IL1RAPL2: variants seen among roughly 807,000 people sequenced by gnomAD.
The protein encoded by IL1RAPL2 is X-linked interleukin-1 receptor accessory protein-like 2.
A neutral mutation model predicts 44.1 loss-of-function variants in IL1RAPL2; 3 were observed. The ratio of observed to expected loss-of-function variants is 0.07; its 90% confidence interval spans 0.03 to 0.18. The LOEUF (loss-of-function observed/expected upper bound fraction) is 0.18, where lower values mean the gene tolerates loss of function less well. Ranked by LOEUF, IL1RAPL2 falls within the 10% of genes least tolerant of loss-of-function variation. The probability of loss-of-function intolerance (pLI) is 1.00; values close to 1 mark genes in which losing one functional copy is unlikely to be tolerated. For synonymous variants in IL1RAPL2, 181 were observed against 178.8 expected (o/e 1.01, Z -0.10); for missense variants, 391 against 496.4 (o/e 0.79, Z 2.02).
At chrX:105,449,939 C>G (rs1475552221) in intron 5 of IL1RAPL2, among the ~76,000 whole-genome samples, 2 of 111,789 alleles carry the variant, frequency 1.8e-5, no homozygotes, top group Non-Finnish European at 3.8e-5. Flanking sequence ...CTGAAGCCAG[C>G]AGAGCACTGG....
intron 2 of IL1RAPL2, among the ~76,000 whole-genome samples, chrX:104,813,446 GT>G (rs1458215651): frequency 9.0e-6 from 1 of 111,273 alleles, no homozygotes; most frequent in African/African-American, 3.3e-5. Flanking sequence ...TTGAAAGCAA[GT>G]TTATGAATAT....
At chrX:104,615,265 A>T (rs1455342977) in intron 1 of IL1RAPL2, among the ~76,000 whole-genome samples, 1 of 111,585 alleles carries the variant, frequency 9.0e-6, no homozygotes, top group Non-Finnish European at 1.9e-5. Flanking sequence ...CAGGATGTGT[A>T]GGTTTGTTAC....
chrX:104,709,337 A>G (rs1182323279), intron 2 of IL1RAPL2, among the ~76,000 whole-genome samples: 1 of 111,405 alleles, frequency 9.0e-6, no homozygotes, highest in Admixed American at 9.6e-5. Flanking sequence ...AGGCTTCAAA[A>G]GTAATTTCTA....
chrX:104,964,304 A>G (rs2030072307), intron 2 of IL1RAPL2, among the ~76,000 whole-genome samples: 1 of 106,144 alleles, frequency 9.4e-6, no homozygotes, highest in Non-Finnish European at 1.9e-5. Context: ...TTATTTATTT[A>G]TTTATTTATT....
intron 2 of IL1RAPL2, among the ~76,000 whole-genome samples, chrX:104,995,912 G>A (rs1438772854): frequency 3.6e-5 from 4 of 111,813 alleles, no homozygotes; most frequent in Non-Finnish European, 7.5e-5. Context: ...TTTAAATAGA[G>A]TCATACCTAC....
chrX:104,888,834 G>A (rs1923335426), intron 2 of IL1RAPL2, among the ~76,000 whole-genome samples: 1 of 111,707 alleles, frequency 9.0e-6, no homozygotes, highest in South Asian at 3.8e-4. Flanking sequence ...ATTTCTGATA[G>A]GACCAAGAAT....
intron 5 of IL1RAPL2, among the ~76,000 whole-genome samples, chrX:105,297,446 G>C (rs991596858): frequency 3.6e-5 from 4 of 111,545 alleles, no homozygotes; most frequent in African/African-American, 6.5e-5. Context: ...ATAATGAAAA[G>C]AGGTTTAATT....
chrX:105,538,696 C>T (rs1392483677), intron 6 of IL1RAPL2, among the ~76,000 whole-genome samples: 1 of 111,393 alleles, frequency 9.0e-6, no homozygotes, highest in African/African-American at 3.3e-5. Flanking sequence ...CCAGAGTAAT[C>T]AGGCAAGAGA....
At chrX:104,678,478 G>T (rs1930828900) in intron 2 of IL1RAPL2, among the ~76,000 whole-genome samples, 3 of 111,716 alleles carry the variant, frequency 2.7e-5, no homozygotes, top group Admixed American at 1.9e-4. Context: ...GTCTAAGTTA[G>T]CCTTTTTATA....
intron 2 of IL1RAPL2, among the ~76,000 whole-genome samples, chrX:105,042,396 C>A (rs1157517873): frequency 4.3e-4 from 47 of 110,014 alleles, no homozygotes; most frequent in African/African-American, 1.5e-3. Context: ...AAACAAACAA[C>A]CCCATCAACA....
chrX:105,451,067 G>A (rs371064724), intron 5 of IL1RAPL2, among the ~76,000 whole-genome samples: 4 of 110,631 alleles, frequency 3.6e-5, no homozygotes, highest in South Asian at 7.8e-4. Context: ...ATACTCTCAT[G>A]TCCAGAATGT....
chrX:104,893,673 A>G (rs1242705375), intron 2 of IL1RAPL2, among the ~76,000 whole-genome samples: 1 of 111,368 alleles, frequency 9.0e-6, no homozygotes, highest in East Asian at 2.8e-4. Context: ...TGTTGAGTCT[A>G]TGTGTGTTTC....
intron 2 of IL1RAPL2, among the ~76,000 whole-genome samples, chrX:105,110,714 C>T (rs959333077): frequency 6.3e-5 from 7 of 111,082 alleles, no homozygotes; most frequent in Non-Finnish European, 7.5e-5. Context: ...TCAAGGTGGG[C>T]GGGCACGAGG....
intron 6 of IL1RAPL2, among the ~76,000 whole-genome samples, chrX:105,552,462 A>G (rs2036864679): frequency 8.9e-6 from 1 of 112,461 alleles, no homozygotes; most frequent in South Asian, 3.6e-4. Flanking sequence ...TCGCAAATCT[A>G]GAATACACAT....
intron 2 of IL1RAPL2, among the ~76,000 whole-genome samples, chrX:105,087,386 T>C (rs990037412): frequency 5.4e-5 from 6 of 111,884 alleles, no homozygotes; most frequent in Non-Finnish European, 7.5e-5. Flanking sequence ...AAACTACCTA[T>C]AGTAGGGGAT....
chrX:104,657,105 A>G (rs1260769295), intron 1 of IL1RAPL2, among the ~76,000 whole-genome samples: 1 of 111,034 alleles, frequency 9.0e-6, no homozygotes, highest in African/African-American at 3.3e-5. Context: ...AATACAGCAC[A>G]CTGATTGGTC....
intron 2 of IL1RAPL2, among the ~76,000 whole-genome samples, chrX:105,090,423 A>T (rs1181817571): frequency 1.8e-5 from 2 of 112,109 alleles, no homozygotes; most frequent in Non-Finnish European, 3.8e-5. Context: ...TTTTTCAAGG[A>T]TCAAATATAT....
rs767736947 is a variant in IL1RAPL2 at position 104,989,348 on chromosome X, C to A, written c.83-206127C>A. Among the ~76,000 whole-genome samples, 6 of 111,765 alleles carry A rather than the reference C, an allele frequency of 5.4e-5. No individual in the cohort carries two copies. In the South Asian group the frequency reaches 1.1e-3, roughly 21 times the overall value. On this transcript the variant is annotated intron_variant, in intron 2 of 10. Coordinates refer to ENST00000372582, the MANE Select transcript of IL1RAPL2 (RefSeq NM_017416.2). ...AATGAGTGTGGATGGCCCAACCTAC[C>A]CTCATAACTGAGAGACCAACTCAGA...
intron 2 of IL1RAPL2, among the ~76,000 whole-genome samples, chrX:104,840,399 T>C (rs1187120730): frequency 8.9e-6 from 1 of 112,022 alleles, no homozygotes; most frequent in African/African-American, 3.2e-5. Context: ...AATCCTGTGT[T>C]CTAATTTGAT....
Sources: allele counts gnomAD v4.1 joint callset (sites outside exome capture counted in the v4.1 genomes callset), GRCh38; gene constraint gnomAD v4.1.1; transcripts MANE v1.5; gene names NCBI Gene and HGNC (gene_info 2026-07-23, HGNC 2026-07-21).